Variants in ADGRF4 observed in about 807,000 individuals in gnomAD.
The protein encoded by ADGRF4 is adhesion G protein-coupled receptor F4.
A neutral mutation model predicts 58.5 loss-of-function variants in ADGRF4; 63 were observed. That is an observed-to-expected ratio of 1.08 (90% CI 0.88 to 1.33). The LOEUF (loss-of-function observed/expected upper bound fraction) is 1.33. Among genes scored for constraint, ADGRF4 ranks in the 40% most tolerant of loss-of-function variants. The probability of loss-of-function intolerance (pLI) is 0.00; values close to 1 mark genes in which losing one functional copy is unlikely to be tolerated. For synonymous variants in ADGRF4, 313 were observed against 295.4 expected (o/e 1.06, Z -0.61); for missense variants, 931 against 843.9 (o/e 1.10, Z -1.28).
intron 6 of ADGRF4, among the ~76,000 whole-genome samples, chr6:47,716,060 T>A (rs915244196): frequency 1.1e-4 from 16 of 152,078 alleles, no homozygotes; most frequent in African/African-American, 3.6e-4. Flanking sequence ...TGGTGAGTAA[T>A]GATCTCATCC....
chr6:47,708,085 T>A (rs1405016608), intron 2 of ADGRF4, 139 bp from the exon 3 acceptor site: 11 of 635,424 alleles, frequency 1.7e-5, no homozygotes, highest in Non-Finnish European at 3.1e-5. Context: ...GTTACCGCAA[T>A]ACCAGCACAT....
rs150190613 is a variant in ADGRF4 at position 47,714,744 on chromosome 6, A to G, written c.1499A>G (p.Tyr500Cys). 7 of 1,613,982 alleles carry G rather than the reference A, an allele frequency of 4.3e-6. No homozygotes were observed. The highest frequency in any genetic ancestry group is 5.9e-6 in the Non-Finnish European group (7 of 1,179,878). The change falls in exon 6 of 10, where the codon TAT (tyrosine) becomes TGT (cysteine). Residue 500 changes from tyrosine (Y) to cysteine (C), a missense_variant. Transcript: ENST00000283303. Reference protein sequence around the residue: ...WMLFKALLIIYGILVIFRRMM... With the variant: ...WMLFKALLIICGILVIFRRMM... ...CTCTTCAAAGCATTGCTCATCATTT[A>G]TGGAATATTGGTCATTTTCCGTAGG... is the stretch of plus-strand genomic sequence containing the variant.
intron 7 of ADGRF4, 136 bp from the exon 8 acceptor site, chr6:47,717,156 G>A (rs1241852081): frequency 1.4e-6 from 1 of 722,818 alleles, no homozygotes; most frequent in African/African-American, 1.7e-5. Flanking sequence ...TCCAAATCTT[G>A]TTACTTGCCA....
intron 8 of ADGRF4, among the ~76,000 whole-genome samples, chr6:47,717,687 C>T (rs987060946): frequency 1.3e-5 from 2 of 152,182 alleles, no homozygotes; most frequent in Admixed American, 6.5e-5. Context: ...TCTAGTCCAA[C>T]CCATTCATTT....
Position 47,714,996 on chromosome 6 carries a change from C to G in ADGRF4, c.1751C>G (p.Thr584Ser). ...LIVVLVVAVN[T>S]QRPSIGSSKS... is the part of the protein sequence containing the mutation. ...GTGGTTTTGGTTGTTGCTGTCAACA[C>G]TCAGAGGCCCTCTATTGGCAGTTCC... Residue 584 changes from threonine (T) to serine (S), a missense_variant, in exon 6 of 10, where the codon ACT (threonine) becomes AGT (serine). Coordinates refer to ENST00000283303, the MANE Select transcript of ADGRF4 (RefSeq NM_153838.5). 6.2e-7 allele frequency: 1 copy of G among 1,613,528 alleles called. No individual in the cohort carries two copies. The highest frequency in any genetic ancestry group is 8.5e-7 in the Non-Finnish European group (1 of 1,179,446).
chr6:47,707,333 C>G lies in ADGRF4; in HGVS notation c.88C>G (p.Leu30Val). ...TTCCCACTATAGATCCAAGATTCAC[C>G]TAAAAGTAAGTTTGATCTATTCCTA... ...ECSHYRSKIH[L>V]KAGDKLQSPE... Residue 30 changes from leucine to valine, a missense_variant, in exon 2 of 10, where the codon CTA becomes GTA. Physicochemically the swap from Leu to Val is conservative, Grantham distance 32. Coordinates refer to ENST00000283303, the MANE Select transcript of ADGRF4 (RefSeq NM_153838.5). 6.3e-7 allele frequency: 1 copy of G among 1,597,900 alleles called. No individual in the cohort carries two copies. The highest frequency in any genetic ancestry group is 8.6e-7 in the Non-Finnish European group (1 of 1,165,168).
At chr6:47,709,578 C>A (rs1357301813) in intron 3 of ADGRF4, among the ~76,000 whole-genome samples, 1 of 152,128 alleles carries the variant, frequency 6.6e-6, no homozygotes, top group Non-Finnish European at 1.5e-5. Context: ...ACACTAAAAA[C>A]TTATTTGTTG....
rs902911090 is a variant in ADGRF4 at position 47,714,035 on chromosome 6, A to T, written c.790A>T (p.Asn264Tyr). The change falls in exon 6 of 10, where the codon AAT (asparagine) becomes TAT (tyrosine). Residue 264 changes from asparagine (N) to tyrosine (Y), a missense_variant. Asn to Tyr is a moderately radical substitution (Grantham distance 143). Coordinates refer to ENST00000283303, the MANE Select transcript of ADGRF4 (RefSeq NM_153838.5). ...CCTCAATTTCTCCATGAGCATGAAC[A>T]ATACCACAGAAGATATCTTAGGAAT... ...KSLNFSMSMN[N>Y]TTEDILGMVQ... is the part of the protein sequence containing the mutation. 2 of 1,612,010 alleles carry T rather than the reference A, an allele frequency of 1.2e-6. No homozygotes were observed. The highest frequency in any genetic ancestry group is 2.7e-5 in the African/African-American group (2 of 74,826).
In ADGRF4 at chr6:47,709,849, G is replaced by GGTT. The variant is rs1771816585; in HGVS notation, c.149-886_149-885insGTT. Among the ~76,000 whole-genome samples, 4 of 147,530 alleles carry GGTT rather than the reference G, an allele frequency of 2.7e-5. No homozygotes were observed. The South Asian group carries it at 8.5e-4, about 31-fold the overall frequency. ...CTTTCCTAGTCTACGTAGCATCACA[G>GGTT]TTTTTTTTTTGTATTTTTGTGCTTT... On this transcript the variant is annotated intron_variant, in intron 3 of 9. Coordinates refer to ENST00000283303, the MANE Select transcript of ADGRF4 (RefSeq NM_153838.5).
chr6:47,720,299 G>A (rs1310606264), intron 9 of ADGRF4, among the ~76,000 whole-genome samples: 1 of 152,174 alleles, frequency 6.6e-6, no homozygotes, highest in Non-Finnish European at 1.5e-5. Flanking sequence ...TCCAGGGCAG[G>A]GCTGAACCAC....
In ADGRF4 at chr6:47,703,787, A is replaced by G. The variant is rs73485554; in HGVS notation, c.-16-3443A>G. 2.6e-3 allele frequency among the ~76,000 whole-genome samples: 392 copies of G among 152,314 alleles called. 3 individuals are homozygous for G. The highest frequency in any genetic ancestry group is 0.02 in the Middle Eastern group (6 of 294). On this transcript the variant is annotated intron_variant, in intron 1 of 9. Transcript: ENST00000283303. Reference sequence around the variant, plus strand: ...TTTATGTACATATATGAAATGTATCATTATTCAATATTGTTCCACAAAGCA... The same window carrying G: ...TTTATGTACATATATGAAATGTATCGTTATTCAATATTGTTCCACAAAGCA...
intron 1 of ADGRF4, among the ~76,000 whole-genome samples, chr6:47,704,258 G>A (rs1474340711): frequency 6.6e-6 from 1 of 151,988 alleles, no homozygotes; most frequent in Admixed American, 6.6e-5. Flanking sequence ...TGACCAGGCT[G>A]GTCTCGAACT....
intron 1 of ADGRF4, among the ~76,000 whole-genome samples, chr6:47,699,932 CA>C (rs1468192310): frequency 4.2e-4 from 49 of 117,772 alleles, no homozygotes; most frequent in East Asian, 8.0e-4. Flanking sequence ...ACAGACGACA[CA>C]CCCCCCCCCC....
chr6:47,714,229 G>T lies in ADGRF4; in HGVS notation c.984G>T (p.Arg328Ser). The T allele has an allele frequency of 1.9e-6, 3 of 1,614,086 alleles. No homozygotes were observed. Among genetic ancestry groups the T allele is most frequent in the South Asian group, 1.1e-5 (1 of 91,082 alleles). ...TGCTATCAGTGGTTTTACCAGAAAG[G>T]TTGCAAGAAATCATACTCACCTTCG... Reference protein sequence around the residue: ...GLVLSVVLPERLQEIILTFEK... With the variant: ...GLVLSVVLPESLQEIILTFEK... The change falls in exon 6 of 10, where the codon AGG (arginine) becomes AGT (serine). Residue 328 changes from arginine (R) to serine (S), a missense_variant. Transcript: ENST00000283303.
intron 1 of ADGRF4, among the ~76,000 whole-genome samples, chr6:47,705,753 GA>G (rs1275576255): frequency 6.6e-6 from 1 of 152,158 alleles, no homozygotes; most frequent in Non-Finnish European, 1.5e-5. Flanking sequence ...ATTGCCTTAT[GA>G]ACCTAGTTGG....
At chr6:47,703,884 G>A (rs1242924460) in intron 1 of ADGRF4, among the ~76,000 whole-genome samples, 2 of 152,168 alleles carry the variant, frequency 1.3e-5, no homozygotes, top group Non-Finnish European at 2.9e-5. Context: ...TGTGCAGCTG[G>A]AGGCCTAGCA....
rs373722291 is a variant in ADGRF4 at position 47,714,415 on chromosome 6, C to T, written c.1170C>T (p.Leu390=). 38 of 1,614,130 alleles carry T rather than the reference C, an allele frequency of 2.4e-5. 1 individual carries two copies. Among genetic ancestry groups the T allele is most frequent in the Admixed American group, 5.0e-5 (3 of 60,026 alleles). Residue 390 remains leucine (L), a synonymous_variant, in exon 6 of 10, where the codon CTC becomes CTT. Coordinates refer to ENST00000283303, the MANE Select transcript of ADGRF4 (RefSeq NM_153838.5). The part of the protein sequence containing the change: ...YTSVVMSFSI[L]MSSKSMTDKV... ...GTGTGGTGATGTCTTTTTCCATTCTCATGTCCTCCAAATCGATGACCGACA... is the reference window on the plus strand; with the variant it reads ...GTGTGGTGATGTCTTTTTCCATTCTTATGTCCTCCAAATCGATGACCGACA...
chr6:47,699,717 C>T (rs1296817908), intron 1 of ADGRF4, among the ~76,000 whole-genome samples: 1 of 152,134 alleles, frequency 6.6e-6, no homozygotes, highest in Non-Finnish European at 1.5e-5. Context: ...AGCATTTCTT[C>T]CATGGCAAGG....
Position 47,715,022 on chromosome 6 carries a change from A to G in ADGRF4, c.1777A>G (p.Lys593Glu). The stretch of plus-strand genomic sequence containing the variant: ...TCAGAGGCCCTCTATTGGCAGTTCC[A>G]AGTCTCAGGATGTGGTCATAATTAT... ...NTQRPSIGSSKSQDVVIIMRI... is the reference protein window; with the variant it reads ...NTQRPSIGSSESQDVVIIMRI... The change falls in exon 6 of 10, where the codon AAG becomes GAG. Residue 593 changes from lysine to glutamate, a missense_variant. Physicochemically the swap from Lys to Glu is moderately conservative, Grantham distance 56. Coordinates refer to ENST00000283303, the MANE Select transcript of ADGRF4 (RefSeq NM_153838.5). 1 of 1,613,316 alleles carries G rather than the reference A, an allele frequency of 6.2e-7. No homozygotes were observed. The highest frequency in any genetic ancestry group is 8.5e-7 in the Non-Finnish European group (1 of 1,179,268).
Sources: allele counts gnomAD v4.1 joint callset (sites outside exome capture counted in the v4.1 genomes callset), GRCh38; gene constraint gnomAD v4.1.1; transcripts MANE v1.5; gene names NCBI Gene and HGNC (gene_info 2026-07-23, HGNC 2026-07-21).